The following MAP3K5 variants were observed in gnomAD, a reference collection of about 807,000 sequenced individuals.
MAP3K5 encodes mitogen-activated protein kinase kinase kinase 5.
Under a neutral mutation model 158.7 loss-of-function variants are expected in MAP3K5, and 56 were observed. The ratio of observed to expected loss-of-function variants is 0.35; its 90% CI spans 0.28 to 0.44. The LOEUF is 0.44. Among genes scored for constraint, MAP3K5 ranks in the 20% least tolerant of loss-of-function variants. The pLI, the probability that MAP3K5 is intolerant of heterozygous loss-of-function variation, is 1.00. For synonymous variants in MAP3K5, 579 were observed against 601.7 expected (o/e 0.96, Z 0.55); for missense variants, 1,294 against 1,674.8 (o/e 0.77, Z 3.97).
chr6:136,590,642 G>A (rs1032534163), intron 23 of MAP3K5, among the ~76,000 whole-genome samples: 2 of 151,542 alleles, frequency 1.3e-5, no homozygotes, highest in South Asian at 2.1e-4. Flanking sequence ...CAGGGTTCAC[G>A]CCATTCTCCT....
At chr6:136,583,450 G>A in intron 24 of MAP3K5, 105 bp downstream of exon 24, 2 of 1,023,244 alleles carry the variant, frequency 2.0e-6, no homozygotes, top group Non-Finnish European at 2.8e-6. Flanking sequence ...AAAAAGAATA[G>A]AGTTCACTGG....
chr6:136,634,300 A>G (rs1051176303), intron 14 of MAP3K5, among the ~76,000 whole-genome samples: 2 of 152,192 alleles, frequency 1.3e-5, no homozygotes, highest in African/African-American at 4.8e-5. Context: ...AGGGAGAGGG[A>G]CAACCACGAT....
chr6:136,753,584 T>C (rs1783321267), intron 1 of MAP3K5, among the ~76,000 whole-genome samples: 1 of 152,220 alleles, frequency 6.6e-6, no homozygotes, highest in African/African-American at 2.4e-5. Flanking sequence ...ATTAAATTGA[T>C]GGACTCTAAA....
At chr6:136,755,499 G>A (rs905217252) in intron 1 of MAP3K5, among the ~76,000 whole-genome samples, 7 of 152,042 alleles carry the variant, frequency 4.6e-5, no homozygotes, top group Middle Eastern at 3.2e-3. Context: ...CTGAGCCCAG[G>A]AGTTCAAGAT....
intron 2 of MAP3K5, among the ~76,000 whole-genome samples, chr6:136,717,435 A>G (rs1781575078): frequency 6.6e-6 from 1 of 152,224 alleles, no homozygotes; most frequent in South Asian, 2.1e-4. Context: ...GCAGCAGATT[A>G]AAATAAAACT....
rs771259254 is a variant in MAP3K5 at position 136,791,908 on chromosome 6, C to T, written c.250G>A (p.Val84Ile). 1.2e-6 allele frequency: 2 copies of T among 1,613,054 alleles called. No individual in the cohort carries two copies. The highest frequency in any genetic ancestry group is 1.3e-5 in the African/African-American group (1 of 74,918). The change falls in exon 1 of 30, where the codon GTT becomes ATT. Residue 84 changes from valine (V) to isoleucine (I), a missense_variant. Physicochemically the swap from Val to Ile is conservative, Grantham distance 29. Transcript: ENST00000359015. The part of the protein sequence containing the change: ...SSATRGRGSS[V>I]GGGSRRTTVA... ...GTGGTCCGTCGGCTGCCCCCGCCAA[C>T]AGAGCTGCCCCGGCCTCGGGTGGCA...
intron 14 of MAP3K5, among the ~76,000 whole-genome samples, chr6:136,629,910 C>T (rs1208822099): frequency 1.3e-5 from 2 of 152,008 alleles, no homozygotes; most frequent in East Asian, 3.9e-4. Context: ...TGCCACCATG[C>T]CCGGCTAATT....
intron 24 of MAP3K5, among the ~76,000 whole-genome samples, chr6:136,583,206 CAT>C (rs1481848793): frequency 3.3e-5 from 5 of 152,202 alleles, no homozygotes; most frequent in African/African-American, 4.8e-5. Flanking sequence ...TGGCATTTCT[CAT>C]ATAGCATTAG....
At chr6:136,757,579 A>ATTTTTTTTTT (rs776508913) in intron 1 of MAP3K5, among the ~76,000 whole-genome samples, 8 of 112,010 alleles carry the variant, frequency 7.1e-5, no homozygotes, top group Non-Finnish European at 9.8e-5. Context: ...TTATTTATTT[A>ATTTTTTTTTT]TTTTTTATTT....
chr6:136,712,078 T>C (rs552688964), intron 2 of MAP3K5, among the ~76,000 whole-genome samples: 2 of 152,282 alleles, frequency 1.3e-5, no homozygotes, highest in Non-Finnish European at 2.9e-5. Context: ...TAAATAAGTA[T>C]ATCTTGGTGG....
At chr6:136,757,575 A>ATTTTTTTTTTTTTTTTTTTTTTTTTTTTT (rs1266911449) in intron 1 of MAP3K5, among the ~76,000 whole-genome samples, 1 of 111,276 alleles carries the variant, frequency 9.0e-6, no homozygotes, top group African/African-American at 3.3e-5. Flanking sequence ...AGATTTATTT[A>ATTTTTTTTTTTTTTTTTTTTTTTTTTTTT]TTTATTTTTT....
intron 15 of MAP3K5, among the ~76,000 whole-genome samples, chr6:136,619,238 G>A (rs1396837012): frequency 6.6e-6 from 1 of 152,164 alleles, no homozygotes; most frequent in Non-Finnish European, 1.5e-5. Flanking sequence ...ATCCTGCCAA[G>A]GTCTGGGTTG....
At chr6:136,773,738 C>CCTGG (rs1376571239) in intron 1 of MAP3K5, among the ~76,000 whole-genome samples, 1 of 152,132 alleles carries the variant, frequency 6.6e-6, no homozygotes, top group Non-Finnish European at 1.5e-5. Context: ...GCCTCTGCCT[C>CCTGG]CTGGGTTCAA....
intron 3 of MAP3K5, among the ~76,000 whole-genome samples, chr6:136,701,568 A>T (rs1249660746): frequency 6.6e-6 from 1 of 152,190 alleles, no homozygotes; most frequent in African/African-American, 2.4e-5. Flanking sequence ...TGTTACCAAG[A>T]TCCCACAGCA....
chr6:136,596,485 G>A (rs1289282040), intron 21 of MAP3K5, among the ~76,000 whole-genome samples: 1 of 152,130 alleles, frequency 6.6e-6, no homozygotes, highest in African/African-American at 2.4e-5. Context: ...GGGAAGCTGT[G>A]ATGTGGGGCA....
Position 136,762,853 on chromosome 6 carries a change from T to C in MAP3K5, c.448+28857A>G, listed in dbSNP as rs1051513634. Reference sequence around the variant, plus strand: ...TAGCACCATTGCTACCCTTGTACTCTCTGTGAATCCACCCCTTCATTGCCT... The same window carrying C: ...TAGCACCATTGCTACCCTTGTACTCCCTGTGAATCCACCCCTTCATTGCCT... On this transcript the variant is annotated intron_variant, in intron 1 of 29. Coordinates refer to ENST00000359015, the MANE Select transcript of MAP3K5 (RefSeq NM_005923.4). Among the ~76,000 whole-genome samples the C allele has an allele frequency of 2.6e-5, 4 of 152,310 alleles. No individual in the cohort carries two copies. The East Asian group carries it at 7.7e-4, about 29-fold the overall frequency.
At chr6:136,623,097 T>C (rs1776883457) in intron 14 of MAP3K5, 116 bp from the exon 15 acceptor site, 1 of 913,700 alleles carries the variant, frequency 1.1e-6, no homozygotes, top group African/African-American at 1.6e-5. Flanking sequence ...ATTAACAGGC[T>C]GAAGTTCTAA....
Position 136,697,405 on chromosome 6 carries a change from A to G in MAP3K5, c.807-18T>C, listed in dbSNP as rs1164240796. The stretch of plus-strand genomic sequence containing the variant: ...AGTACTGGCTGGTAAAAACACACAC[A>G]TTTCAAAGAGTTTGACATTAGAAAC... On this transcript the variant is annotated intron_variant, in intron 4 of 29. Coordinates refer to ENST00000359015, the MANE Select transcript of MAP3K5 (RefSeq NM_005923.4). The G allele has an allele frequency of 1.3e-6, 2 of 1,577,542 alleles. No homozygotes were observed. The highest frequency in any genetic ancestry group is 1.7e-6 in the Non-Finnish European group (2 of 1,159,346).
In MAP3K5 at chr6:136,601,079, G is replaced by C. The variant is rs753661336; in HGVS notation, c.2858-37C>G. 4 of 1,611,088 alleles carry C rather than the reference G, an allele frequency of 2.5e-6. No homozygotes were observed. In the African/African-American group the frequency reaches 5.3e-5, roughly 22 times the overall value. On this transcript the variant is annotated intron_variant, in intron 20 of 29. Coordinates refer to ENST00000359015, the MANE Select transcript of MAP3K5 (RefSeq NM_005923.4). ...AAAGCAAACAGCCATGAATAAGCACGTGCTGGGTTTGTTGTTAAACTGAGA... is the reference window on the plus strand; with the variant it reads ...AAAGCAAACAGCCATGAATAAGCACCTGCTGGGTTTGTTGTTAAACTGAGA...
Sources: allele counts gnomAD v4.1 joint callset (sites outside exome capture counted in the v4.1 genomes callset), GRCh38; gene constraint gnomAD v4.1.1; transcripts MANE v1.5; gene names NCBI Gene and HGNC (gene_info 2026-07-23, HGNC 2026-07-21).